BBS7: variants seen among roughly 807,000 people sequenced by gnomAD.
The protein encoded by BBS7 is Bardet-Biedl syndrome 7, also known as BBSome complex member BBS7.
BBS7 carries 50 observed loss-of-function variants against 90.3 expected under a neutral mutation model. The observed-to-expected ratio is 0.55, with a 90% CI of 0.44 to 0.70. The LOEUF is 0.70. Among genes scored for constraint, BBS7 ranks in the 30% least tolerant of loss-of-function variants. BBS7 has a pLI of 0.00. For synonymous variants in BBS7, 235 were observed against 287.4 expected (o/e 0.82, Z 1.85); for missense variants, 729 against 838.9 (o/e 0.87, Z 1.62).
chr4:121,845,067 C>T (rs1254633363), intron 11 of BBS7, among the ~76,000 whole-genome samples: 2 of 152,136 alleles, frequency 1.3e-5, no homozygotes, highest in Non-Finnish European at 2.9e-5. Flanking sequence ...AGGCCATAAA[C>T]ATTTAAAATT....
In BBS7 at chr4:121,843,854, A is replaced by C. The variant is rs1725863286; in HGVS notation, c.1305+73T>G. On this transcript the variant is annotated intron_variant, in intron 12 of 18. Transcript: ENST00000264499. ...AAAAGAAACATCAAAACCTAGCAGC[A>C]TCTATAGACTTTAATCAAAATGGCA... The C allele has an allele frequency of 3.1e-6, 3 of 954,274 alleles. No homozygotes were observed. In the East Asian group the frequency reaches 7.8e-5, roughly 25 times the overall value. 59.1% of individuals were successfully genotyped at this position (954,274 alleles called of 1,614,324 possible).
chr4:121,870,359 G>T lies in BBS7; in HGVS notation c.-46C>A. ...AAGCAGCGCCGGACAAGAACAGGAGGGACAGAGGCTTCGGGCCCGCAGGCC... is the reference window on the plus strand; with the variant it reads ...AAGCAGCGCCGGACAAGAACAGGAGTGACAGAGGCTTCGGGCCCGCAGGCC... On this transcript the variant is annotated 5_prime_UTR_variant, in exon 1 of 19. Coordinates refer to ENST00000264499, the MANE Select transcript of BBS7 (RefSeq NM_176824.3). 3 of 1,612,516 alleles carry T rather than the reference G, an allele frequency of 1.9e-6. No individual in the cohort carries two copies. The highest frequency in any genetic ancestry group is 1.7e-6 in the Non-Finnish European group (2 of 1,178,582).
intron 8 of BBS7, among the ~76,000 whole-genome samples, chr4:121,850,930 T>C (rs1176699152): frequency 6.6e-6 from 1 of 152,224 alleles, no homozygotes. Context: ...ATAAATCACA[T>C]AAAGTTAGAT....
Position 121,828,670 on chromosome 4 carries a change from C to T in BBS7, c.1735G>A (p.Val579Met). The change falls in exon 16 of 19, where the codon GTG becomes ATG. Residue 579 changes from valine (V) to methionine (M), a missense_variant. Val to Met is a conservative substitution (Grantham distance 21). Transcript: ENST00000264499. Reference sequence around the variant, plus strand: ...CTTTTTGTAGCTTCTTTAGAAAGCACATCTTTTAGGATGGAGATAGTAGAA... The same window carrying T: ...CTTTTTGTAGCTTCTTTAGAAAGCATATCTTTTAGGATGGAGATAGTAGAA... ...NISTISILKD[V>M]LSKEATKRKI... is the part of the protein sequence containing the mutation. 1 of 1,610,450 alleles carries T rather than the reference C, an allele frequency of 6.2e-7. No homozygotes were observed.
At chr4:121,854,664 T>C (rs1395297348) in intron 7 of BBS7, 40 bp downstream of exon 7, 1 of 1,588,298 alleles carries the variant, frequency 6.3e-7, no homozygotes, top group Admixed American at 1.7e-5. Context: ...TACTTAATAA[T>C]CATTGACACC....
chr4:121,836,024 C>G (rs1312426661), intron 13 of BBS7, among the ~76,000 whole-genome samples: 1 of 152,060 alleles, frequency 6.6e-6, no homozygotes, highest in Non-Finnish European at 1.5e-5. Flanking sequence ...AATCTATTGA[C>G]AGAAAAATTG....
chr4:121,865,334 G>A (rs898315795), intron 2 of BBS7, among the ~76,000 whole-genome samples: 3 of 151,626 alleles, frequency 2.0e-5, no homozygotes, highest in Non-Finnish European at 4.4e-5. Flanking sequence ...TGCCTCCTGG[G>A]TTCAAGCGAT....
intron 11 of BBS7, 36 bp downstream of exon 11, chr4:121,845,468 C>T: frequency 6.5e-7 from 1 of 1,528,050 alleles, no homozygotes; most frequent in Non-Finnish European, 9.0e-7. Flanking sequence ...AAAATAGATC[C>T]AGTCATAAAA....
chr4:121,839,636 G>A lies in BBS7; in HGVS notation c.1366C>T (p.Leu456Phe). The A allele has an allele frequency of 1.2e-6, 2 of 1,612,886 alleles. No individual in the cohort carries two copies. Among genetic ancestry groups the A allele is most frequent in the South Asian group, 2.2e-5 (2 of 91,056 alleles). The change falls in exon 13 of 19, where the codon CTC becomes TTC. Residue 456 changes from leucine to phenylalanine, a missense_variant. Physicochemically the swap from Leu to Phe is conservative, Grantham distance 22. Coordinates refer to ENST00000264499, the MANE Select transcript of BBS7 (RefSeq NM_176824.3). The part of the protein sequence containing the change: ...RCQADTTRLE[L>F]KIRSIEGQYG... ...GTAATTTCTAATATTTTTACCTTGAGTTCCAGCCTTGTAGTATCTGCCTGG... is the reference window on the plus strand; with the variant it reads ...GTAATTTCTAATATTTTTACCTTGAATTCCAGCCTTGTAGTATCTGCCTGG...
intron 15 of BBS7, 146 bp downstream of exon 15, chr4:121,833,084 CT>C: frequency 1.3e-6 from 1 of 744,576 alleles, no homozygotes; most frequent in Non-Finnish European, 2.2e-6. Context: ...CTTTTCTAAA[CT>C]TACTAATTTG....
At position 121,825,756 on chromosome 4, in the gene BBS7, A is replaced by G; in HGVS notation, c.*104T>C. ...ATATCTCAAATATTTTTAGATATAAAAAAGCATTTGAAATTAAAGTACATA... is the reference window on the plus strand; with the variant it reads ...ATATCTCAAATATTTTTAGATATAAGAAAGCATTTGAAATTAAAGTACATA... On this transcript the variant is annotated 3_prime_UTR_variant, in exon 19 of 19. Coordinates refer to ENST00000264499, the MANE Select transcript of BBS7 (RefSeq NM_176824.3). 1 of 1,170,566 alleles carries G rather than the reference A, an allele frequency of 8.5e-7. No individual in the cohort carries two copies. Among genetic ancestry groups the G allele is most frequent in the Admixed American group, 2.5e-5 (1 of 40,134 alleles). 72.5% of individuals were successfully genotyped at this position (1,170,566 alleles called of 1,614,324 possible).
intron 7 of BBS7, among the ~76,000 whole-genome samples, chr4:121,854,170 A>G (rs546418697): frequency 6.6e-6 from 1 of 152,298 alleles, no homozygotes; most frequent in Admixed American, 6.5e-5. Context: ...GACTAGGTAA[A>G]GCTGTCTTAT....
rs938747332 is a variant in BBS7 at position 121,828,680 on chromosome 4, G to A, written c.1725C>T (p.Ile575=). 2 of 1,609,370 alleles carry A rather than the reference G, an allele frequency of 1.2e-6. No individual in the cohort carries two copies. The highest frequency in any genetic ancestry group is 2.7e-5 in the African/African-American group (2 of 74,754). Residue 575 remains isoleucine (I), a synonymous_variant, in exon 16 of 19, where the codon ATC becomes ATT. Transcript: ENST00000264499. ...FKSDNISTIS[I]LKDVLSKEAT... ...CTTCTTTAGAAAGCACATCTTTTAG[G>A]ATGGAGATAGTAGAAATGTTGTCAG... is the stretch of plus-strand genomic sequence containing the variant.
At chr4:121,842,600 C>A (rs1206989847) in intron 12 of BBS7, among the ~76,000 whole-genome samples, 2 of 152,018 alleles carry the variant, frequency 1.3e-5, no homozygotes, top group African/African-American at 4.8e-5. Flanking sequence ...CACGCCACTG[C>A]ACTCCAGCCT....
intron 2 of BBS7, among the ~76,000 whole-genome samples, 155 bp downstream of exon 2, chr4:121,867,826 T>C (rs1241097991): frequency 6.6e-6 from 1 of 152,228 alleles, no homozygotes; most frequent in Non-Finnish European, 1.5e-5. Flanking sequence ...TCTATAAATG[T>C]CCCTTGGTAT....
At chr4:121,861,093 T>C (rs1726950089) in intron 4 of BBS7, among the ~76,000 whole-genome samples, 1 of 152,202 alleles carries the variant, frequency 6.6e-6, no homozygotes, top group Non-Finnish European at 1.5e-5. Flanking sequence ...ATATTTCACT[T>C]AGAGTCTTAC....
rs771827408 is a variant in BBS7, at chr4:121,828,758, T to C, written c.1677-30A>G. 3.8e-6 allele frequency: 5 copies of C among 1,300,874 alleles called. No individual in the cohort carries two copies. In the Middle Eastern group the frequency reaches 8.0e-4, roughly 208 times the overall value. 80.6% of individuals were successfully genotyped at this position (1,300,874 alleles called of 1,614,324 possible). A position where few individuals can be genotyped will look rare whatever the true frequency, so the allele number is the denominator to read the frequency against. ...AAAATTAATATATTTTTTAAAAGAA[T>C]AGCTGTAGAAGGAAATTGTCCAGTA... On this transcript the variant is annotated intron_variant, in intron 15 of 18. Coordinates refer to ENST00000264499, the MANE Select transcript of BBS7 (RefSeq NM_176824.3).
intron 5 of BBS7, among the ~76,000 whole-genome samples, chr4:121,857,121 CTTT>C (rs113652840): frequency 2.8e-5 from 4 of 143,542 alleles, no homozygotes; most frequent in African/African-American, 2.6e-5. Flanking sequence ...TATGCTTTAT[CTTT>C]TTTTTTTTTT....
At chr4:121,858,086 G>T (rs567685087) in intron 5 of BBS7, among the ~76,000 whole-genome samples, 1 of 152,190 alleles carries the variant, frequency 6.6e-6, no homozygotes. Context: ...AATTACAGGT[G>T]TGAGCCACCA....
Sources: gnomAD v4.1 joint callset for allele counts (sites outside exome capture counted in the v4.1 genomes callset) on GRCh38, gnomAD v4.1.1 for gene constraint, MANE v1.5 for transcripts, NCBI Gene and HGNC (gene_info 2026-07-23, HGNC 2026-07-21) for gene names.